Variants in PTPRT observed in about 807,000 individuals in gnomAD.
PTPRT encodes the protein protein tyrosine phosphatase receptor type T, also known as receptor-type tyrosine-protein phosphatase T.
A neutral mutation model predicts 176.8 loss-of-function variants in PTPRT; 56 were observed. The observed-to-expected ratio is 0.32, with a 90% CI of 0.26 to 0.40. PTPRT has a LOEUF of 0.40. Ranked by LOEUF, PTPRT falls within the 10% of genes least tolerant of loss-of-function variation. The pLI is 1.00. For missense variants in PTPRT, 1,540 were observed against 1,908.2 expected, an observed-to-expected ratio of 0.81 and a Z score of 3.60; for synonymous variants, 783 against 739.0, an observed-to-expected ratio of 1.06 and a Z score of -0.96.
In PTPRT at chr20:42,352,856, T is replaced by G. The variant is rs2058306026; in HGVS notation, c.1561-571A>C. On this transcript the variant is annotated intron_variant, in intron 9 of 30. Coordinates refer to ENST00000373187, the MANE Select transcript of PTPRT (RefSeq NM_007050.6). Reference sequence around the variant, plus strand: ...CATAAATATATATACACCTACTATGTACCCACAAAAAATTTTTAAAAAAAG... The same window carrying G: ...CATAAATATATATACACCTACTATGGACCCACAAAAAATTTTTAAAAAAAG... Among the ~76,000 whole-genome samples, 12 of 152,230 alleles carry G rather than the reference T, an allele frequency of 7.9e-5. No individual in the cohort carries two copies. In the South Asian group the frequency reaches 2.5e-3, roughly 32 times the overall value.
In PTPRT at chr20:43,035,604, T is replaced by A. The variant is rs947218662; in HGVS notation, c.89-149672A>T. On this transcript the variant is annotated intron_variant, in intron 1 of 30. Coordinates refer to ENST00000373187, the MANE Select transcript of PTPRT (RefSeq NM_007050.6). The stretch of plus-strand genomic sequence containing the variant: ...TTTCAACACTGTGGGTATTTCATAA[T>A]CCTTTGCGGAAGGAAGAGAGGAAAT... Among the ~76,000 whole-genome samples, 9 of 152,306 alleles carry A rather than the reference T, an allele frequency of 5.9e-5. No individual in the cohort carries two copies. The East Asian group carries it at 1.5e-3, about 26-fold the overall frequency.
intron 2 of PTPRT, among the ~76,000 whole-genome samples, chr20:42,836,147 C>A (rs889855134): frequency 2.6e-5 from 4 of 152,104 alleles, no homozygotes; most frequent in Non-Finnish European, 5.9e-5. Flanking sequence ...AATCAAGGAA[C>A]CTGCCAGGAA....
chr20:42,808,508 G>T (rs1286420554), intron 2 of PTPRT, among the ~76,000 whole-genome samples: 1 of 152,144 alleles, frequency 6.6e-6, no homozygotes, highest in Non-Finnish European at 1.5e-5. Flanking sequence ...GGTGAGAGGG[G>T]ATGTGGAGGC....
At chr20:42,314,751 T>C (rs942677051) in intron 12 of PTPRT, among the ~76,000 whole-genome samples, 3 of 152,162 alleles carry the variant, frequency 2.0e-5, no homozygotes, top group East Asian at 1.9e-4. Context: ...ATTGGTTTTG[T>C]AGGATGCTAA....
downstream of PTPRT, among the ~76,000 whole-genome samples, chr20:42,071,919 A>G (rs1433036183): frequency 6.6e-6 from 1 of 152,138 alleles, no homozygotes; most frequent in African/African-American, 2.4e-5. Context: ...TGGTCTTCCA[A>G]AGTGCTGAGA....
intron 1 of PTPRT, among the ~76,000 whole-genome samples, chr20:42,965,750 T>C (rs1982255032): frequency 6.6e-6 from 1 of 152,210 alleles, no homozygotes; most frequent in Non-Finnish European, 1.5e-5. Flanking sequence ...GGCACTGATG[T>C]TGATTTTCTT....
intron 2 of PTPRT, among the ~76,000 whole-genome samples, chr20:42,827,723 C>A (rs190301632): frequency 2.2e-4 from 33 of 152,274 alleles, no homozygotes; most frequent in Admixed American, 6.5e-4. Flanking sequence ...CTGCCATTCT[C>A]ATAATAGTGT....
intron 17 of PTPRT, among the ~76,000 whole-genome samples, chr20:42,154,476 C>T (rs1030062074): frequency 9.2e-5 from 14 of 152,188 alleles, no homozygotes; most frequent in African/African-American, 2.2e-4. Flanking sequence ...ATGGTGTGTC[C>T]GTCCTGAGCT....
chr20:42,637,428 T>C (rs2074629179), intron 7 of PTPRT, among the ~76,000 whole-genome samples: 1 of 152,148 alleles, frequency 6.6e-6, no homozygotes, highest in African/African-American at 2.4e-5. Context: ...TCCTTACATA[T>C]GCCAAGCTTG....
At chr20:42,894,039 T>A (rs1600529390) in intron 1 of PTPRT, among the ~76,000 whole-genome samples, 4 of 133,228 alleles carry the variant, frequency 3.0e-5, no homozygotes, top group African/African-American at 2.5e-5. Flanking sequence ...AATTAAAAAA[T>A]TAAAAAAAAA....
At chr20:42,612,150 A>G (rs185217476) in intron 7 of PTPRT, among the ~76,000 whole-genome samples, 1 of 152,112 alleles carries the variant, frequency 6.6e-6, no homozygotes, top group African/African-American at 2.4e-5. Flanking sequence ...AGGGAGCATC[A>G]GTGTCAGGTG....
intron 7 of PTPRT, among the ~76,000 whole-genome samples, chr20:42,517,664 C>T (rs1486259245): frequency 6.6e-6 from 1 of 151,994 alleles, no homozygotes; most frequent in Non-Finnish European, 1.5e-5. Flanking sequence ...AACTGCATTT[C>T]ACACATTTTG....
intron 13 of PTPRT, among the ~76,000 whole-genome samples, chr20:42,267,762 A>T (rs1418703301): frequency 6.6e-6 from 1 of 152,152 alleles, no homozygotes; most frequent in East Asian, 1.9e-4. Context: ...GGGTTGAGCA[A>T]TCTTGCCATA....
intron 17 of PTPRT, among the ~76,000 whole-genome samples, chr20:42,156,684 A>G (rs990375388): frequency 1.3e-5 from 2 of 152,248 alleles, no homozygotes; most frequent in Non-Finnish European, 2.9e-5. Context: ...CCAGTGGCAC[A>G]AACAACAGCC....
At chr20:42,468,768 T>G (rs147808006) in intron 8 of PTPRT, among the ~76,000 whole-genome samples, 2 of 152,310 alleles carry the variant, frequency 1.3e-5, no homozygotes, top group African/African-American at 4.8e-5. Flanking sequence ...CCTGAGCTGC[T>G]CCTTGGGAAA....
intron 9 of PTPRT, among the ~76,000 whole-genome samples, chr20:42,358,702 C>T (rs887801565): frequency 6.6e-6 from 1 of 152,192 alleles, no homozygotes; most frequent in Admixed American, 6.5e-5. Context: ...GAAAAGGTGC[C>T]TGTCTCAACT....
intron 2 of PTPRT, among the ~76,000 whole-genome samples, chr20:42,878,125 G>T (rs1183362632): frequency 6.6e-6 from 1 of 152,212 alleles, no homozygotes; most frequent in Non-Finnish European, 1.5e-5. Flanking sequence ...TATTGGAGAT[G>T]AGCACAGAGA....
At chr20:42,519,358 A>G (rs1165312170) in intron 7 of PTPRT, among the ~76,000 whole-genome samples, 1 of 152,070 alleles carries the variant, frequency 6.6e-6, no homozygotes, top group Non-Finnish European at 1.5e-5. Context: ...TTGTTTAACT[A>G]TTCACCCAAG....
intron 7 of PTPRT, among the ~76,000 whole-genome samples, chr20:42,537,898 T>G (rs2072504593): frequency 6.6e-6 from 1 of 152,186 alleles, no homozygotes; most frequent in Admixed American, 6.5e-5. Context: ...TTCATCAGCA[T>G]AAGGTATACC....
Sources: allele counts gnomAD v4.1 joint callset (sites outside exome capture counted in the v4.1 genomes callset), GRCh38; gene constraint gnomAD v4.1.1; transcripts MANE v1.5; gene names NCBI Gene and HGNC (gene_info 2026-07-23, HGNC 2026-07-21).